The following FREM2 variants were observed in gnomAD, a reference collection of about 807,000 sequenced individuals.
FREM2 encodes FRAS1-related extracellular matrix protein 2.
FREM2 carries 119 observed loss-of-function variants against 219.9 expected under a neutral mutation model. The observed-to-expected ratio is 0.54, with a 90% CI of 0.47 to 0.63. The LOEUF (loss-of-function observed/expected upper bound fraction) is 0.63, where lower values mean the gene tolerates loss of function less well. FREM2 is among the 30% of genes least tolerant of loss of function. The pLI is 0.00. For missense variants in FREM2, 4,030 were observed against 3,993.6 expected, an observed-to-expected ratio of 1.01 and a Z score of -0.25; for synonymous variants, 1,562 against 1,522.8, an observed-to-expected ratio of 1.03 and a Z score of -0.60.
chr13:38,718,567 C>T (rs1347174949), intron 2 of FREM2, among the ~76,000 whole-genome samples: 1 of 152,214 alleles, frequency 6.6e-6, no homozygotes, highest in Non-Finnish European at 1.5e-5. Context: ...AATTTACATC[C>T]TCCAGCGATA....
At chr13:38,860,108 C>G (rs553898800) in intron 14 of FREM2, among the ~76,000 whole-genome samples, 1 of 152,126 alleles carries the variant, frequency 6.6e-6, no homozygotes, top group South Asian at 2.1e-4. Flanking sequence ...GGAGGAAAAA[C>G]CAGGAGACAA....
At chr13:38,867,456 A>G (rs2093752042) in intron 16 of FREM2, among the ~76,000 whole-genome samples, 2 of 152,268 alleles carry the variant, frequency 1.3e-5, no homozygotes, top group Admixed American at 1.3e-4. Flanking sequence ...ACAATTTAAT[A>G]AAACATGTTG....
At chr13:38,722,134 C>T (rs1034452515) in intron 2 of FREM2, among the ~76,000 whole-genome samples, 3 of 152,044 alleles carry the variant, frequency 2.0e-5, no homozygotes, top group Non-Finnish European at 4.4e-5. Context: ...ATCTTCCTGC[C>T]TCCGCCTCCC....
chr13:38,722,462 C>T (rs920967362), intron 2 of FREM2, among the ~76,000 whole-genome samples: 2 of 152,038 alleles, frequency 1.3e-5, no homozygotes, highest in Non-Finnish European at 2.9e-5. Context: ...TTAATCCTGC[C>T]TAGACATCTG....
chr13:38,768,064 A>G (rs1169244963), intron 3 of FREM2, among the ~76,000 whole-genome samples: 1 of 152,210 alleles, frequency 6.6e-6, no homozygotes, highest in Non-Finnish European at 1.5e-5. Context: ...GCCCCAGCAC[A>G]TGGAATAGAG....
chr13:38,711,944 G>C (rs192775084), intron 2 of FREM2, among the ~76,000 whole-genome samples: 280 of 144,908 alleles, frequency 1.9e-3, no homozygotes, highest in African/African-American at 7.1e-3. Flanking sequence ...TTTTTGAGGG[G>C]ATTCTCGCTC....
chr13:38,701,022 C>T (rs1870323010), intron 2 of FREM2, among the ~76,000 whole-genome samples: 1 of 151,942 alleles, frequency 6.6e-6, no homozygotes, highest in Non-Finnish European at 1.5e-5. Context: ...TTCAGAGGTA[C>T]ATGTGGAGGT....
At chr13:38,877,045 T>C in intron 20 of FREM2, 72 bp from the exon 21 acceptor site, 1 of 1,517,872 alleles carries the variant, frequency 6.6e-7, no homozygotes, top group Non-Finnish European at 9.2e-7. Context: ...TGAATGTATG[T>C]ATCTGTGAAC....
chr13:38,852,842 C>G (rs73466004), intron 11 of FREM2, among the ~76,000 whole-genome samples: 18,056 of 151,542 alleles, frequency 0.12, 2,490 homozygotes, highest in African/African-American at 0.34. Flanking sequence ...GAAGCTAGGA[C>G]TACAGGCATG....
Position 38,878,329 on chromosome 13 carries a change from C to G in FREM2, c.8859+8C>G. On this transcript the variant is annotated splice_region_variant and intron_variant, in intron 22 of 23. Coordinates refer to ENST00000280481, the MANE Select transcript of FREM2 (RefSeq NM_207361.6). Reference sequence around the variant, plus strand: ...TATAGATTTAAAATTGTGGTAAGTGCTTTGACCCAAAAAATGAGCTAGATA... The same window carrying G: ...TATAGATTTAAAATTGTGGTAAGTGGTTTGACCCAAAAAATGAGCTAGATA... 3 of 1,607,996 alleles carry G rather than the reference C, an allele frequency of 1.9e-6. No individual in the cohort carries two copies. Among genetic ancestry groups the G allele is most frequent in the Non-Finnish European group, 2.6e-6 (3 of 1,175,194 alleles).
intron 2 of FREM2, among the ~76,000 whole-genome samples, chr13:38,739,185 A>C (rs1872129766): frequency 6.6e-6 from 1 of 152,320 alleles, no homozygotes. Flanking sequence ...CATCATCATC[A>C]TCACTATTTT....
chr13:38,778,834 A>G (rs1343217137), intron 4 of FREM2, among the ~76,000 whole-genome samples: 2 of 152,178 alleles, frequency 1.3e-5, no homozygotes, highest in African/African-American at 4.8e-5. Context: ...AACTTTCTGT[A>G]ATATTTCATA....
At position 38,687,430 on chromosome 13, in the gene FREM2, GGCTGCT is replaced by G. The variant is rs568736669; in HGVS notation, c.102_107del (p.Leu37_Leu38del). 3 of 1,599,226 alleles carry G rather than the reference GGCTGCT, an allele frequency of 1.9e-6. No homozygotes were observed. Among genetic ancestry groups the G allele is most frequent in the South Asian group, 1.1e-5 (1 of 89,016 alleles). ...CAACCAGGACCGCCACCGCCGCCCC[GGCTGCT>G]GCTGCTGCTGCTGCTTCTCCTGTCA... On this transcript the variant is annotated inframe_deletion, in exon 1 of 24. Coordinates refer to ENST00000280481, the MANE Select transcript of FREM2 (RefSeq NM_207361.6).
At chr13:38,726,692 A>G (rs142605178) in intron 2 of FREM2, among the ~76,000 whole-genome samples, 18 of 152,286 alleles carry the variant, frequency 1.2e-4, no homozygotes, top group Middle Eastern at 3.4e-3. Flanking sequence ...TTCCTTCACT[A>G]CTAATGATTA....
At chr13:38,754,898 G>GATT (rs770487106) in intron 2 of FREM2, among the ~76,000 whole-genome samples, 1,548 of 122,728 alleles carry the variant, frequency 0.013, 23 homozygotes, top group African/African-American at 0.026. Context: ...TGATGATGAT[G>GATT]ATGATTATTA....
intron 6 of FREM2, among the ~76,000 whole-genome samples, chr13:38,820,673 G>A (rs1297199268): frequency 6.6e-6 from 1 of 151,890 alleles, no homozygotes; most frequent in Admixed American, 6.6e-5. Context: ...TTATTTGCTG[G>A]CCAGAGAGGT....
At chr13:38,716,226 A>G (rs965550103) in intron 2 of FREM2, among the ~76,000 whole-genome samples, 36 of 152,160 alleles carry the variant, frequency 2.4e-4, no homozygotes, top group African/African-American at 8.4e-4. Context: ...ACAGAGGTCT[A>G]CTACCTTTTC....
At position 38,766,218 on chromosome 13, in the gene FREM2, C is replaced by T. The variant is rs2496401; in HGVS notation, c.5410+1768C>T. On this transcript the variant is annotated intron_variant, in intron 3 of 23. Transcript: ENST00000280481. ...TTATTTTTTTGCCTTTTTTTTTCTC[C>T]ACTGCCTCTTTTTTCTTAAGCTGGA... Among the ~76,000 whole-genome samples, 1,439 of 151,726 alleles carry T rather than the reference C, an allele frequency of 9.5e-3. 19 individuals carry two copies. The highest frequency in any genetic ancestry group is 0.034 in the African/African-American group (1,388 of 41,400).
At chr13:38,758,247 G>A (rs1873090465) in intron 2 of FREM2, among the ~76,000 whole-genome samples, 1 of 152,150 alleles carries the variant, frequency 6.6e-6, no homozygotes, top group South Asian at 2.1e-4. Flanking sequence ...CTACCACATT[G>A]AATTCTTTGA....
Sources: gnomAD v4.1 joint callset for allele counts (sites outside exome capture counted in the v4.1 genomes callset) on GRCh38, gnomAD v4.1.1 for gene constraint, MANE v1.5 for transcripts, NCBI Gene and HGNC (gene_info 2026-07-23, HGNC 2026-07-21) for gene names.